The following PABPC1 variants were observed in gnomAD, a reference collection of about 807,000 sequenced individuals.
PABPC1 encodes the protein polyadenylate-binding protein 1.
A neutral mutation model predicts 74.0 loss-of-function variants in PABPC1; 4 were observed. The observed-to-expected ratio is 0.05, with a 90% CI of 0.03 to 0.12. The LOEUF is 0.12. PABPC1 is among the 10% of genes least tolerant of loss of function. The pLI is 1.00. For synonymous variants in PABPC1, 227 were observed against 264.1 expected, an observed-to-expected ratio of 0.86 and a Z score of 1.36; for missense variants, 271 against 821.1, an observed-to-expected ratio of 0.33 and a Z score of 8.19.
intron 1 of PABPC1, 59 bp from the exon 2 acceptor site, chr8:100,718,339 G>A: frequency 7.2e-7 from 1 of 1,396,916 alleles, no homozygotes; most frequent in South Asian, 1.2e-5. Flanking sequence ...GGCTACTTAA[G>A]ATTATATAAA....
Position 100,721,293 on chromosome 8 carries a change from C to G in PABPC1, c.193+98G>C. 7.2e-6 allele frequency: 3 copies of G among 417,364 alleles called. No individual in the cohort carries two copies. Among genetic ancestry groups the G allele is most frequent in the Non-Finnish European group, 1.0e-5 (3 of 295,006 alleles). 25.9% of individuals were successfully genotyped at this position (417,364 alleles called of 1,614,324 possible). A position where few individuals can be genotyped will look rare whatever the true frequency, so the allele number is the denominator to read the frequency against. On this transcript the variant is annotated intron_variant, in intron 1 of 14. Coordinates refer to ENST00000318607, the MANE Select transcript of PABPC1 (RefSeq NM_002568.4). The surrounding 1 kb of genome is among the most constrained non-coding windows in gnomAD (Gnocchi z 7.4). ...CGTCGCGGGGTGACATGCCCTCCCG[C>G]CCCCCTCCCCGGGCCCGCCGGCCTA...
chr8:100,717,907 C>T lies in PABPC1; in HGVS notation c.388-19G>A, dbSNP rs2129749763. On this transcript the variant is annotated intron_variant, in intron 2 of 14. Coordinates refer to ENST00000318607, the MANE Select transcript of PABPC1 (RefSeq NM_002568.4). ...AAACCACCTAGGGAAAAACATATAC[C>T]CATTTTTCTTTATTTGCTATTGATT... The T allele has an allele frequency of 1.4e-6, 2 of 1,454,066 alleles. No homozygotes were observed. The highest frequency in any genetic ancestry group is 1.9e-6 in the Non-Finnish European group (2 of 1,051,000). 90.1% of individuals were successfully genotyped at this position (1,454,066 alleles called of 1,614,324 possible). A position where few individuals can be genotyped will look rare whatever the true frequency, so the allele number is the denominator to read the frequency against.
At chr8:100,709,267 A>G (rs767046826) in intron 8 of PABPC1, 44 bp from the exon 9 acceptor site, 28 of 1,557,460 alleles carry the variant, frequency 1.8e-5, no homozygotes, top group Non-Finnish European at 2.4e-5. Context: ...TGAAGAAAAA[A>G]GCAAATAATG....
chr8:100,715,065 T>C (rs945482163), intron 4 of PABPC1, among the ~76,000 whole-genome samples: 4 of 151,678 alleles, frequency 2.6e-5, no homozygotes, highest in Admixed American at 6.6e-5. Flanking sequence ...TGAGACTGCA[T>C]TCCACTGTAG....
intron 14 of PABPC1, among the ~76,000 whole-genome samples, chr8:100,703,749 A>G (rs538431234): frequency 1.3e-4 from 20 of 152,260 alleles, no homozygotes; most frequent in African/African-American, 4.6e-4. Context: ...TTTTATATAT[A>G]TATTACTATA....
Position 100,709,617 on chromosome 8 carries a change from A to G in PABPC1, c.1087T>C (p.Leu363=), listed in dbSNP as rs1344616010. 3.7e-6 allele frequency: 6 copies of G among 1,614,082 alleles called. No individual in the cohort carries two copies. The highest frequency in any genetic ancestry group is 1.1e-5 in the South Asian group (1 of 91,088). ...MNGRIVATKP[L]YVALAQRKEE... ...TTGCGCTGAGCTAAAGCTACATACAATGGCTTTGTGGCCACAATTCTACCG... is the reference window on the plus strand; with the variant it reads ...TTGCGCTGAGCTAAAGCTACATACAGTGGCTTTGTGGCCACAATTCTACCG... Residue 363 remains leucine, a synonymous_variant, in exon 8 of 15, where the codon TTG becomes CTG. Coordinates refer to ENST00000318607, the MANE Select transcript of PABPC1 (RefSeq NM_002568.4).
intron 3 of PABPC1, among the ~76,000 whole-genome samples, chr8:100,716,859 CTT>C (rs1424178038): frequency 6.6e-6 from 1 of 152,182 alleles, no homozygotes; most frequent in African/African-American, 2.4e-5. Context: ...ATGAAAGACA[CTT>C]TGTGTATTTC....
rs901571523 is a variant in PABPC1, at chr8:100,721,285, C to A, written c.193+106G>T. 9.7e-6 allele frequency: 4 copies of A among 414,182 alleles called. No homozygotes were observed. Among genetic ancestry groups the A allele is most frequent in the African/African-American group, 2.2e-5 (1 of 46,000 alleles). 25.7% of individuals were successfully genotyped at this position (414,182 alleles called of 1,614,324 possible). On this transcript the variant is annotated intron_variant, in intron 1 of 14. Transcript: ENST00000318607. The surrounding 1 kb of genome is among the most constrained non-coding windows in gnomAD (Gnocchi z 7.4). ...CCGCCGGCCGTCGCGGGGTGACATGCCCTCCCGCCCCCCTCCCCGGGCCCG... is the reference window on the plus strand; with the variant it reads ...CCGCCGGCCGTCGCGGGGTGACATGACCTCCCGCCCCCCTCCCCGGGCCCG...
chr8:100,706,458 T>A (rs1810381294), intron 11 of PABPC1, among the ~76,000 whole-genome samples, 193 bp downstream of exon 11: 1 of 151,840 alleles, frequency 6.6e-6, no homozygotes, highest in South Asian at 2.1e-4. Flanking sequence ...CACACCCAGC[T>A]AGTTTTCTTT....
chr8:100,721,202 C>A lies in PABPC1; in HGVS notation c.193+189G>T, dbSNP rs1474972396. On this transcript the variant is annotated intron_variant, in intron 1 of 14. Coordinates refer to ENST00000318607, the MANE Select transcript of PABPC1 (RefSeq NM_002568.4). This position sits in a 1 kb window ranked among gnomAD's most constrained non-coding sequence, Gnocchi z 7.4. The stretch of plus-strand genomic sequence containing the variant: ...AGGAAGTAGCCGGGCGTGTGGCTGC[C>A]GGCAGCGCGGGTCCCCGCCGGCTCG... Among the ~76,000 whole-genome samples the A allele has an allele frequency of 2.0e-4, 31 of 151,896 alleles. No individual in the cohort carries two copies. In the East Asian group the frequency reaches 5.4e-3, roughly 27 times the overall value.
intron 4 of PABPC1, among the ~76,000 whole-genome samples, chr8:100,715,140 CACACACACACACACACACAT>C (rs1226499246): frequency 2.2e-5 from 3 of 136,380 alleles, no homozygotes; most frequent in Admixed American, 7.2e-5. Context: ...CACACACACA[CACACACACACACACACACAT>C]ATATATCTCC....
rs542599074 is a variant in PABPC1, at chr8:100,703,332, A to G, written c.*29T>C. 6.3e-6 allele frequency: 1 copy of G among 158,320 alleles called. No homozygotes were observed. Among genetic ancestry groups the G allele is most frequent in the South Asian group, 2.1e-4 (1 of 4,824 alleles). 9.8% of individuals were successfully genotyped at this position (158,320 alleles called of 1,614,324 possible). On this transcript the variant is annotated 3_prime_UTR_variant, in exon 15 of 15. Transcript: ENST00000318607. ...TAGATATTTTTCTTCGGTGAAGCAC[A>G]AGTTTCTTTTCATGGTCCCTGATCA...
chr8:100,705,090 TA>T (rs557936751), intron 12 of PABPC1, 34 bp from the exon 13 acceptor site: 14 of 1,588,942 alleles, frequency 8.8e-6, no homozygotes, highest in Admixed American at 3.8e-5. Flanking sequence ...CTCCCTTCAA[TA>T]AAAAAAAGTT....
At chr8:100,714,899 TTCA>T (rs1174802422) in intron 4 of PABPC1, among the ~76,000 whole-genome samples, 1 of 152,220 alleles carries the variant, frequency 6.6e-6, no homozygotes, top group African/African-American at 2.4e-5. Flanking sequence ...TGGTTTGTGC[TTCA>T]TCAATTTCAA....
intron 12 of PABPC1, 51 bp downstream of exon 12, chr8:100,705,538 C>G: frequency 8.9e-7 from 1 of 1,120,466 alleles, no homozygotes; most frequent in South Asian, 1.3e-5. Context: ...CTAAGTGATT[C>G]CTATATTTTC....
intron 1 of PABPC1, 108 bp from the exon 2 acceptor site, chr8:100,718,388 T>A (rs1425826724): frequency 1.3e-5 from 11 of 822,046 alleles, no homozygotes; most frequent in Non-Finnish European, 1.9e-5. Flanking sequence ...GGTCTCACAG[T>A]TGAACGCTTC....
At chr8:100,712,605 G>A (rs747489240) in intron 6 of PABPC1, 47 bp downstream of exon 6, 1 of 1,576,370 alleles carries the variant, frequency 6.3e-7, no homozygotes, top group Non-Finnish European at 8.6e-7. Flanking sequence ...ACGTAAAATA[G>A]GTTTCCTCAT....
chr8:100,715,424 A>G (rs1363183221), intron 4 of PABPC1, 38 bp downstream of exon 4: 1 of 1,549,390 alleles, frequency 6.5e-7, no homozygotes, highest in Non-Finnish European at 8.8e-7. Context: ...GCACTAATTC[A>G]GAGCTTTGTG....
Position 100,718,147 on chromosome 8 carries a change from G to T in PABPC1, c.327C>A (p.Ser109=), listed in dbSNP as rs746313363. ...TATCATACAGTGCTTTATTATCAAT[G>T]GATTTGTCCAGATTTTTAATGAATA... ...GNIFIKNLDK[S]IDNKALYDTF... is the part of the protein sequence containing the mutation. Residue 109 remains serine, a synonymous_variant, in exon 2 of 15, where the codon TCC becomes TCA. Transcript: ENST00000318607. 1 of 1,614,136 alleles carries T rather than the reference G, an allele frequency of 6.2e-7. No homozygotes were observed. The highest frequency in any genetic ancestry group is 8.5e-7 in the Non-Finnish European group (1 of 1,180,002).
Sources: allele counts gnomAD v4.1 joint callset (sites outside exome capture counted in the v4.1 genomes callset), GRCh38; gene constraint gnomAD v4.1.1; non-coding constraint Gnocchi (gnomAD v3.1); transcripts MANE v1.5; gene names NCBI Gene and HGNC (gene_info 2026-07-23, HGNC 2026-07-21).